Variants in COL4A2 observed in about 807,000 individuals in gnomAD.
The protein encoded by COL4A2 is collagen alpha-2(IV) chain.
In COL4A2, 99 loss-of-function variants were observed where a neutral mutation model predicts 200.2. That is an observed-to-expected ratio of 0.49 (90% CI 0.42 to 0.58). The LOEUF (loss-of-function observed/expected upper bound fraction) is 0.58, where lower values mean the gene tolerates loss of function less well. Among genes scored for constraint, COL4A2 ranks in the 20% least tolerant of loss-of-function variants. The pLI is 0.00. For missense variants in COL4A2, 1,950 were observed against 2,314.1 expected, an observed-to-expected ratio of 0.84 and a Z score of 3.23; for synonymous variants, 897 against 900.6, an observed-to-expected ratio of 1.00 and a Z score of 0.07.
intron 11 of COL4A2, 119 bp from the exon 12 acceptor site, chr13:110,434,282 T>C: frequency 1.2e-6 from 1 of 817,800 alleles, no homozygotes. Context: ...TATGCAAATA[T>C]AGTTGCTCAG....
chr13:110,449,892 T>C, intron 19 of COL4A2, 103 bp downstream of exon 19: 1 of 1,300,922 alleles, frequency 7.7e-7, no homozygotes, highest in Non-Finnish European at 1.1e-6. Flanking sequence ...TATGTCGTTG[T>C]TACTTTTCCC....
At chr13:110,445,734 G>C in intron 16 of COL4A2, 95 bp from the exon 17 acceptor site, 2 of 1,461,732 alleles carry the variant, frequency 1.4e-6, no homozygotes, top group South Asian at 2.3e-5. Flanking sequence ...TTAATAAACT[G>C]TTGTTCATTT....
At chr13:110,373,053 T>C (rs975820757) in intron 4 of COL4A2, among the ~76,000 whole-genome samples, 10 of 152,210 alleles carry the variant, frequency 6.6e-5, no homozygotes, top group African/African-American at 2.4e-4. Flanking sequence ...TTCTCTGAGT[T>C]GGGATGTCTG....
chr13:110,320,621 C>T (rs564925838), intron 3 of COL4A2, among the ~76,000 whole-genome samples: 51 of 152,258 alleles, frequency 3.3e-4, no homozygotes, highest in Admixed American at 3.1e-3. Flanking sequence ...AAGTTTAGTT[C>T]CCTCTGAACA....
chr13:110,504,512 G>A (rs1883774019), intron 45 of COL4A2, among the ~76,000 whole-genome samples: 1 of 152,244 alleles, frequency 6.6e-6, no homozygotes, highest in African/African-American at 2.4e-5. Flanking sequence ...GTGGGCGGCA[G>A]GGATCAGTAG....
chr13:110,466,012 C>T lies in COL4A2; in HGVS notation c.1988C>T (p.Thr663Ile). ...TATGTCTTCCCCCCAGATTGTGACA[C>T]AGATGTGAAAAGGGCCGTTGGAGGT... is the stretch of plus-strand genomic sequence containing the variant. ...AGTPGQIDCD[T>I]DVKRAVGGDR... Residue 663 changes from threonine (T) to isoleucine (I), a missense_variant, in exon 26 of 48, where the codon ACA (threonine) becomes ATA (isoleucine). Physicochemically the swap from Thr to Ile is moderately conservative, Grantham distance 89 (BLOSUM62 -1). Around this residue, in one of 2 missense-constraint regions of COL4A2, gnomAD observed 1,385 missense variants for 1,720.5 expected, o/e 0.80. Transcript: ENST00000360467. 6.2e-7 allele frequency: 1 copy of T among 1,613,822 alleles called. No homozygotes were observed. Among genetic ancestry groups the T allele is most frequent in the Non-Finnish European group, 8.5e-7 (1 of 1,179,784 alleles).
At chr13:110,352,612 A>G (rs575243964) in intron 3 of COL4A2, among the ~76,000 whole-genome samples, 1 of 152,262 alleles carries the variant, frequency 6.6e-6, no homozygotes, top group South Asian at 2.1e-4. Flanking sequence ...GCCCTTTGTC[A>G]TGTTAGTTTG....
In COL4A2 at chr13:110,438,057, T is replaced by C. The variant is rs754531573; in HGVS notation, c.861+20T>C. 4.3e-6 allele frequency: 7 copies of C among 1,610,742 alleles called. No individual in the cohort carries two copies. The highest frequency in any genetic ancestry group is 2.2e-5 in the East Asian group (1 of 44,868). ...ATAAGAGTAAGTCGAGTAATGAGCA[T>C]GCCCCCTCCCCTGTGGCTCCTGGGC... On this transcript the variant is annotated intron_variant, in intron 14 of 47. Transcript: ENST00000360467.
At chr13:110,417,288 G>A (rs6492268) in intron 4 of COL4A2, among the ~76,000 whole-genome samples, 148,507 of 152,342 alleles carry the variant, frequency 0.97, 72,494 homozygotes, top group East Asian at 1. Context: ...ATTCGGCTAA[G>A]TGTTTTTTTC....
At chr13:110,483,759 G>C (rs1271563342) in intron 32 of COL4A2, among the ~76,000 whole-genome samples, 1 of 148,372 alleles carries the variant, frequency 6.7e-6, no homozygotes. Flanking sequence ...AAGCTGAAGG[G>C]TTAGGGGAGA....
In COL4A2 at chr13:110,319,309, T is replaced by G. The variant is rs529058795; in HGVS notation, c.99+11186T>G. On this transcript the variant is annotated intron_variant, in intron 3 of 47. Transcript: ENST00000360467. ...GGAAACATTTTAATATTAATTAAAT[T>G]TCAGTCAAGGTGTAACTAACTTATT... Among the ~76,000 whole-genome samples the G allele has an allele frequency of 1.1e-4, 17 of 152,322 alleles. No homozygotes were observed. The South Asian group carries it at 3.5e-3, about 32-fold the overall frequency.
chr13:110,363,689 G>A (rs1218790873), intron 4 of COL4A2, among the ~76,000 whole-genome samples: 1 of 152,176 alleles, frequency 6.6e-6, no homozygotes, highest in Non-Finnish European at 1.5e-5. Flanking sequence ...TCTCTAAGGA[G>A]AGCAGCGGTC....
At chr13:110,371,831 C>A (rs181484995) in intron 4 of COL4A2, among the ~76,000 whole-genome samples, 1 of 152,110 alleles carries the variant, frequency 6.6e-6, no homozygotes, top group African/African-American at 2.4e-5. Flanking sequence ...TTGGCCGTGC[C>A]GGGAGCTCAT....
chr13:110,502,810 G>T (rs151201590), intron 41 of COL4A2: 2 of 293,446 alleles, frequency 6.8e-6, no homozygotes, highest in South Asian at 8.5e-5. Context: ...CTGAGGGTTG[G>T]GGGGAGAGGG....
At chr13:110,327,501 T>G (rs1456247405) in intron 3 of COL4A2, among the ~76,000 whole-genome samples, 1 of 152,200 alleles carries the variant, frequency 6.6e-6, no homozygotes, top group Non-Finnish European at 1.5e-5. Flanking sequence ...CATTTGACTC[T>G]TGTCATCAAA....
chr13:110,315,748 C>G (rs1885114816), intron 3 of COL4A2, among the ~76,000 whole-genome samples: 1 of 152,206 alleles, frequency 6.6e-6, no homozygotes, highest in African/African-American at 2.4e-5. Flanking sequence ...CATTGCTGTT[C>G]CCACAGTCCA....
chr13:110,348,453 C>T (rs1269853761), intron 3 of COL4A2, among the ~76,000 whole-genome samples: 1 of 152,208 alleles, frequency 6.6e-6, no homozygotes. Flanking sequence ...CCTGCTAATA[C>T]CATGTTGGAA....
intron 19 of COL4A2, 44 bp from the exon 20 acceptor site, chr13:110,450,261 G>A (rs1295962009): frequency 1.6e-5 from 26 of 1,579,524 alleles, no homozygotes; most frequent in South Asian, 3.3e-5. Context: ...GCAGCGGTGT[G>A]GTATGGGAGA....
chr13:110,331,573 A>T (rs1367702741), intron 3 of COL4A2, among the ~76,000 whole-genome samples: 2 of 152,204 alleles, frequency 1.3e-5, no homozygotes, highest in African/African-American at 4.8e-5. Context: ...GGGGAGGGTG[A>T]TGTGTTCACA....
Sources: allele counts gnomAD v4.1 joint callset (sites outside exome capture counted in the v4.1 genomes callset), GRCh38; gene constraint gnomAD v4.1.1; regional missense constraint gnomAD v4.1.1; transcripts MANE v1.5; gene names NCBI Gene and HGNC (gene_info 2026-07-23, HGNC 2026-07-21).